Variants in FHIT observed in about 807,000 individuals in gnomAD.
FHIT encodes the protein fragile histidine triad diadenosine triphosphatase.
In FHIT, 19 loss-of-function variants were observed where a neutral mutation model predicts 17.9. The ratio of observed to expected loss-of-function variants is 1.06; its 90% CI spans 0.74 to 1.56. The LOEUF (loss-of-function observed/expected upper bound fraction) is 1.56. Among genes scored for constraint, FHIT ranks in the 40% most tolerant of loss-of-function variants. FHIT has a pLI of 0.00. For synonymous variants in FHIT, 81 were observed against 69.7 expected (o/e 1.16, Z -0.81); for missense variants, 248 against 189.2 (o/e 1.31, Z -1.82).
Position 60,501,259 on chromosome 3 carries a change from G to T in FHIT, c.103+35601C>A, listed in dbSNP as rs368915273. Among the ~76,000 whole-genome samples the T allele has an allele frequency of 1.3e-3, 193 of 152,198 alleles. 2 individuals are homozygous for T. In the Middle Eastern group the frequency reaches 0.034, roughly 27 times the overall value. On this transcript the variant is annotated intron_variant, in intron 5 of 9. Transcript: ENST00000492590. ...AGCCAGATTTCAATATACGTTTAATGTTTTTTGATAACTCGTTGTAGGTAG... is the reference window on the plus strand; with the variant it reads ...AGCCAGATTTCAATATACGTTTAATTTTTTTTGATAACTCGTTGTAGGTAG...
At chr3:60,979,896 G>C (rs1212015143) in intron 3 of FHIT, among the ~76,000 whole-genome samples, 4 of 152,174 alleles carry the variant, frequency 2.6e-5, no homozygotes, top group Non-Finnish European at 5.9e-5. Flanking sequence ...TGTCTTATTA[G>C]ATTGAGCCAC....
At chr3:60,397,031 G>A (rs1222588883) in intron 5 of FHIT, among the ~76,000 whole-genome samples, 2 of 152,086 alleles carry the variant, frequency 1.3e-5, no homozygotes, top group East Asian at 3.9e-4. Flanking sequence ...AATGCACCAG[G>A]CAATCAAGCA....
At chr3:59,828,845 C>G (rs2629883) in intron 8 of FHIT, among the ~76,000 whole-genome samples, 143,444 of 150,148 alleles carry the variant, frequency 0.96, 68,458 homozygotes, top group East Asian at 1. Flanking sequence ...ATGGTACTCT[C>G]TCTGTGTGTG....
chr3:60,890,520 G>A (rs1553760432), intron 3 of FHIT, among the ~76,000 whole-genome samples: 1 of 152,162 alleles, frequency 6.6e-6, no homozygotes, highest in African/African-American at 2.4e-5. Flanking sequence ...CTATTACACA[G>A]CAATCAATAA....
At chr3:60,552,642 G>T (rs549815519) in intron 4 of FHIT, among the ~76,000 whole-genome samples, 2 of 152,184 alleles carry the variant, frequency 1.3e-5, no homozygotes, top group Admixed American at 6.5e-5. Context: ...TGCCAACTTG[G>T]TAAGTATTTA....
chr3:60,223,865 C>G (rs916195715), intron 5 of FHIT, among the ~76,000 whole-genome samples: 1 of 152,048 alleles, frequency 6.6e-6, no homozygotes, highest in African/African-American at 2.4e-5. Context: ...GGTTCTGGCC[C>G]ACAAGTCTCA....
chr3:60,598,098 C>T (rs782676189), intron 4 of FHIT, among the ~76,000 whole-genome samples: 1 of 152,148 alleles, frequency 6.6e-6, no homozygotes. Context: ...ATCCTAAGCA[C>T]CCACCATCGA....
At chr3:60,593,910 T>C (rs1482079347) in intron 4 of FHIT, among the ~76,000 whole-genome samples, 3 of 152,124 alleles carry the variant, frequency 2.0e-5, no homozygotes, top group Admixed American at 2.0e-4. Context: ...TGCATTAATA[T>C]TTCTAAGACC....
At chr3:61,101,736 G>A (rs924102103) in intron 2 of FHIT, among the ~76,000 whole-genome samples, 2 of 152,114 alleles carry the variant, frequency 1.3e-5, no homozygotes, top group African/African-American at 2.4e-5. Flanking sequence ...TTGTTGAGCA[G>A]TGGTTGGTAG....
At chr3:60,489,326 G>A (rs1318722200) in intron 5 of FHIT, among the ~76,000 whole-genome samples, 4 of 152,128 alleles carry the variant, frequency 2.6e-5, no homozygotes, top group Admixed American at 6.6e-5. Flanking sequence ...ATTTTAAAAT[G>A]TGTGTGTATA....
chr3:60,413,858 AT>A (rs1204178862), intron 5 of FHIT, among the ~76,000 whole-genome samples: 1 of 152,194 alleles, frequency 6.6e-6, no homozygotes, highest in African/African-American at 2.4e-5. Context: ...TTAAATATTT[AT>A]TTAATAACTA....
intron 8 of FHIT, among the ~76,000 whole-genome samples, chr3:59,796,038 A>G (rs1027795854): frequency 6.6e-6 from 1 of 152,178 alleles, no homozygotes; most frequent in African/African-American, 2.4e-5. Flanking sequence ...AAAGAGGTGG[A>G]GACAGGGAAT....
chr3:59,763,049 C>T (rs1263048657), intron 8 of FHIT, among the ~76,000 whole-genome samples: 1 of 152,144 alleles, frequency 6.6e-6, no homozygotes, highest in African/African-American at 2.4e-5. Context: ...TTCCCCCCCG[C>T]CGGTGTTTCA....
intron 4 of FHIT, among the ~76,000 whole-genome samples, chr3:60,704,979 C>T (rs1346706339): frequency 5.9e-5 from 9 of 151,668 alleles, no homozygotes; most frequent in African/African-American, 2.2e-4. Flanking sequence ...AAATAAACAT[C>T]CCTGGCTGAA....
At chr3:60,076,400 T>A (rs1389915243) in intron 5 of FHIT, among the ~76,000 whole-genome samples, 1 of 152,120 alleles carries the variant, frequency 6.6e-6, no homozygotes, top group Non-Finnish European at 1.5e-5. Flanking sequence ...AGCCAACTTA[T>A]AAAATTATTC....
intron 3 of FHIT, among the ~76,000 whole-genome samples, chr3:60,825,532 C>A (rs1267852093): frequency 6.6e-6 from 1 of 152,092 alleles, no homozygotes; most frequent in Non-Finnish European, 1.5e-5. Context: ...GGGACCAGGC[C>A]ACACAGCAGG....
At chr3:60,430,121 C>A (rs1702825121) in intron 5 of FHIT, among the ~76,000 whole-genome samples, 1 of 151,962 alleles carries the variant, frequency 6.6e-6, no homozygotes, top group African/African-American at 2.4e-5. Flanking sequence ...GCAGAGCCGT[C>A]TTCTGACCTG....
At chr3:60,181,911 A>G (rs957423842) in intron 5 of FHIT, among the ~76,000 whole-genome samples, 1 of 152,222 alleles carries the variant, frequency 6.6e-6, no homozygotes, top group Non-Finnish European at 1.5e-5. Flanking sequence ...GTGATACATC[A>G]TAGCAATCAC....
intron 5 of FHIT, among the ~76,000 whole-genome samples, chr3:60,355,726 T>C (rs1464977618): frequency 6.6e-6 from 1 of 152,192 alleles, no homozygotes; most frequent in African/African-American, 2.4e-5. Flanking sequence ...TCACAAATTT[T>C]TTTTTAAATT....
Sources: allele counts gnomAD v4.1 joint callset (sites outside exome capture counted in the v4.1 genomes callset), GRCh38; gene constraint gnomAD v4.1.1; transcripts MANE v1.5; gene names NCBI Gene and HGNC (gene_info 2026-07-23, HGNC 2026-07-21).